MGST1: variants seen among roughly 807,000 people sequenced by gnomAD.
The protein encoded by MGST1 is glutathione S-transferase 12.
Under a neutral mutation model 8.9 loss-of-function variants are expected in MGST1, and 5 were observed. The observed-to-expected ratio is 0.56, with a 90% CI of 0.29 to 1.19. The LOEUF (loss-of-function observed/expected upper bound fraction) is 1.19. Among genes scored for constraint, MGST1 ranks in the 50% most tolerant of loss-of-function variants. The probability of loss-of-function intolerance (pLI) is 0.08; values close to 1 mark genes in which losing one functional copy is unlikely to be tolerated. For missense variants in MGST1, 182 were observed against 187.4 expected (o/e 0.97, Z 0.17); for synonymous variants, 54 against 67.8 (o/e 0.80, Z 1.00).
intron 1 of MGST1, chr12:16,400,986 C>G: frequency 6.7e-7 from 1 of 1,487,736 alleles, no homozygotes; most frequent in Non-Finnish European, 9.4e-7. Flanking sequence ...GCCACTAGTT[C>G]TTTTTGATGT....
At chr12:16,351,050 A>G (rs1939440445) in intron 1 of MGST1, among the ~76,000 whole-genome samples, 1 of 152,172 alleles carries the variant, frequency 6.6e-6, no homozygotes, top group Non-Finnish European at 1.5e-5. Context: ...GGGAAAAAAA[A>G]GTTCTCTGGA....
rs1306519288 is a variant in MGST1, at chr12:16,361,686, A to C, written c.222-2109A>C. On this transcript the variant is annotated intron_variant, in intron 3 of 3. Coordinates refer to ENST00000396210, the MANE Select transcript of MGST1 (RefSeq NM_020300.5). The surrounding 1 kb of genome is among the most constrained non-coding windows in gnomAD (Gnocchi z 4.2). ...CTGGGGAACTGTTTGCCTGGAACAG[A>C]GTCTCAAAAGAAGTACAAAATACAG... is the stretch of plus-strand genomic sequence containing the variant. Among the ~76,000 whole-genome samples the C allele has an allele frequency of 1.3e-5, 2 of 152,196 alleles. No individual in the cohort carries two copies. Among genetic ancestry groups the C allele is most frequent in the Non-Finnish European group, 2.9e-5 (2 of 68,032 alleles).
At chr12:16,519,874 G>A (rs1591750550) in intron 4 of MGST1, among the ~76,000 whole-genome samples, 1 of 152,234 alleles carries the variant, frequency 6.6e-6, no homozygotes, top group Admixed American at 6.5e-5. Context: ...CCAGATATCA[G>A]TTTGACCCAC....
chr12:16,575,636 A>G (rs1354292318), intron 4 of MGST1, among the ~76,000 whole-genome samples: 5 of 152,238 alleles, frequency 3.3e-5, no homozygotes, highest in Non-Finnish European at 2.9e-5. Flanking sequence ...GAATTATGTA[A>G]TACACCCAGC....
intron 4 of MGST1, among the ~76,000 whole-genome samples, chr12:16,538,645 G>T (rs1281345966): frequency 7.2e-6 from 1 of 138,088 alleles, no homozygotes; most frequent in Non-Finnish European, 1.5e-5. Context: ...GTCTCGCTCT[G>T]TCACCCAGGC....
rs896928715 is a variant in MGST1, at chr12:16,401,170, A to G, written n.778+17566A>G. On this transcript the variant is annotated intron_variant and non_coding_transcript_variant, in intron 1 of 1. Transcript: ENST00000359720. This position sits in a 1 kb window ranked among gnomAD's most constrained non-coding sequence, Gnocchi z 4.3. Reference sequence around the variant, plus strand: ...CTTCACTTTCTTCTTCACAGAAGTGAGAACAGTAGCTGGGCCATCCTCATC... The same window carrying G: ...CTTCACTTTCTTCTTCACAGAAGTGGGAACAGTAGCTGGGCCATCCTCATC... 16 of 1,559,570 alleles carry G rather than the reference A, an allele frequency of 1.0e-5. No homozygotes were observed. The highest frequency in any genetic ancestry group is 1.4e-5 in the Non-Finnish European group (16 of 1,132,162).
chr12:16,367,960 C>T (rs1242404234), downstream of MGST1, among the ~76,000 whole-genome samples: 5 of 150,910 alleles, frequency 3.3e-5, no homozygotes, highest in African/African-American at 1.2e-4. Flanking sequence ...TACATTCTCC[C>T]TTTCACTACA....
intron 1 of MGST1, chr12:16,400,876 A>G: frequency 1.7e-6 from 2 of 1,173,562 alleles, no homozygotes; most frequent in Non-Finnish European, 2.6e-6. Flanking sequence ...TAGGCATCAG[A>G]GATGGGTGTT....
At chr12:16,411,580 A>G (rs547322037) in intron 1 of MGST1, among the ~76,000 whole-genome samples, 1 of 152,260 alleles carries the variant, frequency 6.6e-6, no homozygotes, top group Non-Finnish European at 1.5e-5. Context: ...CATTCTAAGA[A>G]GAGGTAATGT....
rs1384530723 is a variant in MGST1 at position 16,586,699 on chromosome 12, A to AC, written n.483-2823dup. On this transcript the variant is annotated intron_variant and non_coding_transcript_variant, in intron 4 of 4. Coordinates refer to the MGST1 transcript ENST00000538857. The surrounding 1 kb of genome is among the most constrained non-coding windows in gnomAD (Gnocchi z 4.3). Reference sequence around the variant, plus strand: ...GAGATTTCAAGATACACATCTTTTGACCCCCCATTGCAGTAGATGATGTTT... The same window carrying AC: ...GAGATTTCAAGATACACATCTTTTGACCCCCCCATTGCAGTAGATGATGTTT... 8.6e-5 allele frequency among the ~76,000 whole-genome samples: 13 copies of AC among 152,016 alleles called. No individual in the cohort carries two copies. The highest frequency in any genetic ancestry group is 6.2e-4 in the South Asian group (3 of 4,816).
chr12:16,560,673 C>T lies in MGST1; in HGVS notation n.483-28855C>T. The T allele has an allele frequency of 1.3e-6, 1 of 741,722 alleles. No homozygotes were observed. Among genetic ancestry groups the T allele is most frequent in the South Asian group, 1.8e-5 (1 of 54,962 alleles). 45.9% of individuals were successfully genotyped at this position (741,722 alleles called of 1,614,324 possible). A position where few individuals can be genotyped will look rare whatever the true frequency, so the allele number is the denominator to read the frequency against. On this transcript the variant is annotated intron_variant and non_coding_transcript_variant, in intron 4 of 4. Transcript: ENST00000538857. This position sits in a 1 kb window ranked among gnomAD's most constrained non-coding sequence, Gnocchi z 5.0. ...ATGATGTACACAAGTGGATTTTATC[C>T]TAGGTGTATGCATAAATATTCTTCT...
At chr12:16,424,961 A>G (rs529641253) in intron 1 of MGST1, among the ~76,000 whole-genome samples, 1 of 152,316 alleles carries the variant, frequency 6.6e-6, no homozygotes, top group African/African-American at 2.4e-5. Context: ...AACAGAACAG[A>G]CATGTTTGGA....
chr12:16,483,112 C>A (rs890209600), intron 4 of MGST1, among the ~76,000 whole-genome samples: 7 of 152,138 alleles, frequency 4.6e-5, no homozygotes, highest in Admixed American at 2.6e-4. Flanking sequence ...GGTTTGTTTA[C>A]CATAAGCAGG....
rs1943247262 is a variant in MGST1 at position 16,584,147 on chromosome 12, T to C, written n.483-5381T>C. 6.6e-6 allele frequency among the ~76,000 whole-genome samples: 1 copy of C among 152,098 alleles called. No individual in the cohort carries two copies. The highest frequency in any genetic ancestry group is 1.5e-5 in the Non-Finnish European group (1 of 68,024). ...CCCTAGAATTGTGGTAAGAGGGAAA[T>C]GACAGCAGTGAGTAGGGGTAAAAGG... On this transcript the variant is annotated intron_variant and non_coding_transcript_variant, in intron 4 of 4. Coordinates refer to the MGST1 transcript ENST00000538857. This position sits in a 1 kb window ranked among gnomAD's most constrained non-coding sequence, Gnocchi z 5.2.
At chr12:16,392,047 G>A (rs1439090391) in intron 1 of MGST1, among the ~76,000 whole-genome samples, 2 of 152,134 alleles carry the variant, frequency 1.3e-5, no homozygotes, top group African/African-American at 2.4e-5. Context: ...AAGACCAAAT[G>A]GTTGTAGGTG....
At chr12:16,364,608 A>C (rs1178074158), downstream of MGST1, among the ~76,000 whole-genome samples, 1 of 152,122 alleles carries the variant, frequency 6.6e-6, no homozygotes. The surrounding 1 kb of genome is among the most constrained non-coding windows in gnomAD (Gnocchi z 5.7). Context: ...ATATCATGAC[A>C]TGTCACTCTT....
At chr12:16,579,948 G>T (rs911526244) in intron 4 of MGST1, among the ~76,000 whole-genome samples, 28 of 152,150 alleles carry the variant, frequency 1.8e-4, no homozygotes, top group African/African-American at 6.5e-4. Context: ...TTTAAGTAAT[G>T]TTGCACAGGG....
rs1030269082 is a variant in MGST1 at position 16,497,977 on chromosome 12, A to T, written n.483-91551A>T. On this transcript the variant is annotated intron_variant and non_coding_transcript_variant, in intron 4 of 4. Transcript: ENST00000538857. This position sits in a 1 kb window ranked among gnomAD's most constrained non-coding sequence, Gnocchi z 4.4. ...GGGCTAGTTTTGGAAATTGGAAAAT[A>T]ATATACATCTGCGAATGTCACATTC... is the stretch of plus-strand genomic sequence containing the variant. Among the ~76,000 whole-genome samples the T allele has an allele frequency of 2.0e-5, 3 of 152,164 alleles. No individual in the cohort carries two copies. Among genetic ancestry groups the T allele is most frequent in the African/African-American group, 7.2e-5 (3 of 41,472 alleles).
chr12:16,506,688 G>A (rs575523676), intron 4 of MGST1, among the ~76,000 whole-genome samples: 6 of 152,160 alleles, frequency 3.9e-5, no homozygotes, highest in African/African-American at 1.4e-4. Flanking sequence ...GTGCTTTTGT[G>A]TACCATGGCA....
Sources: allele counts gnomAD v4.1 joint callset (sites outside exome capture counted in the v4.1 genomes callset), GRCh38; gene constraint gnomAD v4.1.1; non-coding constraint Gnocchi (gnomAD v3.1); transcripts MANE v1.5; gene names NCBI Gene and HGNC (gene_info 2026-07-23, HGNC 2026-07-21).